Variants in ALDH18A1 observed in about 807,000 individuals in gnomAD.
ALDH18A1 encodes the protein delta-1-pyrroline-5-carboxylate synthase.
In ALDH18A1, 44 loss-of-function variants were observed where a neutral mutation model predicts 88.8. That is an observed-to-expected ratio of 0.50 (90% CI 0.39 to 0.64). The LOEUF (loss-of-function observed/expected upper bound fraction) is 0.64, where lower values mean the gene tolerates loss of function less well. Among genes scored for constraint, ALDH18A1 ranks in the 30% least tolerant of loss-of-function variants. ALDH18A1 has a pLI of 0.00. For missense variants in ALDH18A1, 782 were observed against 1,009.5 expected (o/e 0.77, Z 3.05); for synonymous variants, 331 against 372.1 (o/e 0.89, Z 1.27).
chr10:95,607,781 C>T (rs1280669692), intron 17 of ALDH18A1, among the ~76,000 whole-genome samples: 1 of 152,046 alleles, frequency 6.6e-6, no homozygotes, highest in Non-Finnish European at 1.5e-5. Context: ...GGAAAGCCTC[C>T]CTAAGGAAGT....
chr10:95,612,141 A>T (rs1228176281), intron 15 of ALDH18A1, among the ~76,000 whole-genome samples: 1 of 152,148 alleles, frequency 6.6e-6, no homozygotes, highest in African/African-American at 2.4e-5. Flanking sequence ...TGCCACATAT[A>T]CATTGCTACT....
At chr10:95,622,699 G>A (rs1469084011) in intron 11 of ALDH18A1, among the ~76,000 whole-genome samples, 14 of 151,888 alleles carry the variant, frequency 9.2e-5, no homozygotes, top group African/African-American at 2.9e-4. Flanking sequence ...CACCACACCC[G>A]GCTAATTTTT....
chr10:95,627,635 C>A (rs1449296287), intron 8 of ALDH18A1, 49 bp from the exon 9 acceptor site: 1 of 1,607,280 alleles, frequency 6.2e-7, no homozygotes, highest in Non-Finnish European at 8.5e-7. Context: ...GACCTATTCA[C>A]CCACATTTTA....
chr10:95,634,567 T>C (rs772619948), intron 5 of ALDH18A1, among the ~76,000 whole-genome samples: 1 of 152,184 alleles, frequency 6.6e-6, no homozygotes, highest in Admixed American at 6.5e-5. Context: ...TTAACTAAGA[T>C]TGTGTGTGAG....
chr10:95,642,154 T>G (rs2097892959), intron 3 of ALDH18A1, among the ~76,000 whole-genome samples: 1 of 152,250 alleles, frequency 6.6e-6, no homozygotes, highest in South Asian at 2.1e-4. Flanking sequence ...ATCTGTGGGA[T>G]GCCTGGATGT....
At chr10:95,632,890 A>C in intron 7 of ALDH18A1, 69 bp downstream of exon 7, 1 of 1,333,778 alleles carries the variant, frequency 7.5e-7, no homozygotes. Context: ...GAAAGAGGGA[A>C]ACTCATGTGC....
chr10:95,629,846 A>C (rs1275621124), intron 7 of ALDH18A1, among the ~76,000 whole-genome samples: 5 of 152,086 alleles, frequency 3.3e-5, no homozygotes, highest in Non-Finnish European at 7.4e-5. Flanking sequence ...TCTACCAATG[A>C]CCCGATTTTG....
intron 2 of ALDH18A1, among the ~76,000 whole-genome samples, 194 bp downstream of exon 2, chr10:95,653,093 CAGG>C (rs2097912939): frequency 6.6e-6 from 1 of 151,860 alleles, no homozygotes; most frequent in Admixed American, 6.6e-5. Context: ...TGGGCTGAGG[CAGG>C]AGGATTGCTT....
chr10:95,611,193 GA>G (rs1224992107), intron 16 of ALDH18A1, 62 bp downstream of exon 16: 1 of 1,598,056 alleles, frequency 6.3e-7, no homozygotes, highest in Non-Finnish European at 8.6e-7. Flanking sequence ...GGGGGGCTAA[GA>G]GGAGCAGGAT....
At chr10:95,632,870 G>T in intron 7 of ALDH18A1, 89 bp downstream of exon 7, 1 of 1,125,284 alleles carries the variant, frequency 8.9e-7, no homozygotes, top group Non-Finnish European at 1.3e-6. Context: ...AAACATCAGA[G>T]GGACTCAAAG....
At chr10:95,610,108 G>C in intron 17 of ALDH18A1, 89 bp downstream of exon 17, 1 of 1,243,418 alleles carries the variant, frequency 8.0e-7, no homozygotes, top group Non-Finnish European at 1.2e-6. Flanking sequence ...TGACAGTCAA[G>C]GGGAGGTGTC....
intron 12 of ALDH18A1, among the ~76,000 whole-genome samples, chr10:95,618,589 C>T (rs1474200307): frequency 6.6e-6 from 1 of 152,212 alleles, no homozygotes; most frequent in Non-Finnish European, 1.5e-5. Context: ...GCTGGGATTA[C>T]AGGTGTCAGC....
At chr10:95,638,977 A>AC (rs1484613782) in intron 3 of ALDH18A1, among the ~76,000 whole-genome samples, 1 of 150,968 alleles carries the variant, frequency 6.6e-6, no homozygotes, top group Non-Finnish European at 1.5e-5. Context: ...GACTCAAGCA[A>AC]CCCCCTGACC....
At chr10:95,608,357 A>C (rs188974515) in intron 17 of ALDH18A1, among the ~76,000 whole-genome samples, 9 of 152,382 alleles carry the variant, frequency 5.9e-5, no homozygotes, top group African/African-American at 1.9e-4. Flanking sequence ...AACATAATAC[A>C]AATGGGGAAC....
intron 15 of ALDH18A1, 99 bp from the exon 16 acceptor site, chr10:95,611,541 A>G: frequency 7.1e-7 from 1 of 1,415,612 alleles, no homozygotes; most frequent in Admixed American, 1.7e-5. Flanking sequence ...CCACAGCCCA[A>G]AGTGGCTCCT....
rs372148869 is a variant in ALDH18A1 at position 95,637,861 on chromosome 10, G to A, written c.304-425C>T. ...GTGCATGCCAGCTACTTGGGAGGCTGAGGTAGGAGGATCACCTGAGCTCAG... is the reference window on the plus strand; with the variant it reads ...GTGCATGCCAGCTACTTGGGAGGCTAAGGTAGGAGGATCACCTGAGCTCAG... On this transcript the variant is annotated intron_variant, in intron 3 of 17. Transcript: ENST00000371224. Among the ~76,000 whole-genome samples, 10 of 152,116 alleles carry A rather than the reference G, an allele frequency of 6.6e-5. No individual in the cohort carries two copies. The East Asian group carries it at 1.9e-3, about 29-fold the overall frequency.
At chr10:95,627,360 A>G (rs1487735575) in intron 9 of ALDH18A1, 82 bp downstream of exon 9, 2 of 1,533,874 alleles carry the variant, frequency 1.3e-6, no homozygotes, top group East Asian at 4.5e-5. Context: ...TAATATTAGC[A>G]TATCAATTTT....
intron 3 of ALDH18A1, among the ~76,000 whole-genome samples, chr10:95,641,748 C>T (rs2097892061): frequency 6.6e-6 from 1 of 152,092 alleles, no homozygotes; most frequent in South Asian, 2.1e-4. Flanking sequence ...AAGCAATCCT[C>T]CTACCTCAGC....
At chr10:95,634,741 A>G (rs1046668371) in intron 5 of ALDH18A1, among the ~76,000 whole-genome samples, 3 of 152,228 alleles carry the variant, frequency 2.0e-5, no homozygotes, top group African/African-American at 7.2e-5. Context: ...TTTCTAGCTT[A>G]AATCAGAATT....
Sources: gnomAD v4.1 joint callset for allele counts (sites outside exome capture counted in the v4.1 genomes callset) on GRCh38, gnomAD v4.1.1 for gene constraint, MANE v1.5 for transcripts, NCBI Gene and HGNC (gene_info 2026-07-23, HGNC 2026-07-21) for gene names.